SLC12A7: variants seen among roughly 807,000 people sequenced by gnomAD.
The protein encoded by SLC12A7 is solute carrier family 12 member 7, also known as K-Cl cotransporter 4.
A neutral mutation model predicts 120.6 loss-of-function variants in SLC12A7; 100 were observed. The observed-to-expected ratio is 0.83, with a 90% CI of 0.71 to 0.98. SLC12A7 has a LOEUF of 0.98. Ranked by LOEUF, SLC12A7 falls within the 50% of genes least tolerant of loss-of-function variation. SLC12A7 has a pLI of 0.00. For synonymous variants in SLC12A7, 760 were observed against 678.0 expected, an observed-to-expected ratio of 1.12 and a Z score of -1.88; for missense variants, 1,373 against 1,548.1, an observed-to-expected ratio of 0.89 and a Z score of 1.90.
intron 15 of SLC12A7, 71 bp downstream of exon 15, chr5:1,075,300 C>T: frequency 6.4e-7 from 1 of 1,561,670 alleles, no homozygotes. Context: ...CAGGGAGCTG[C>T]CCCAGGCATA....
chr5:1,126,652 A>T, the SLC12A7 span, among the ~76,000 whole-genome samples: 1 of 152,138 alleles, frequency 6.6e-6, no homozygotes, highest in African/African-American at 2.4e-5. Flanking sequence ...CTCTGCCCTC[A>T]AGTGGGCCCC....
At chr5:1,077,780 G>C (rs1738529123) in intron 12 of SLC12A7, 53 bp downstream of exon 12, 2 of 1,486,950 alleles carry the variant, frequency 1.3e-6, no homozygotes, top group Non-Finnish European at 1.8e-6. Flanking sequence ...CAGGGGAGGA[G>C]AGCCCCCGAC....
Position 1,050,886 on chromosome 5 carries a change from G to A in SLC12A7, c.*1474C>T. 1 of 398,676 alleles carries A rather than the reference G, an allele frequency of 2.5e-6. No homozygotes were observed. Among genetic ancestry groups the A allele is most frequent in the Admixed American group, 4.4e-5 (1 of 22,740 alleles). 24.7% of individuals were successfully genotyped at this position (398,676 alleles called of 1,614,324 possible). On this transcript the variant is annotated 3_prime_UTR_variant, in exon 24 of 24. Coordinates refer to ENST00000264930, the MANE Select transcript of SLC12A7 (RefSeq NM_006598.3). ...TCCTCAGAAACATCTGGGGGCACAA[G>A]TGCAGCCTCTGCCCCGATTTGAACT...
chr5:1,087,212 C>T (rs576130198), intron 5 of SLC12A7, among the ~76,000 whole-genome samples, 179 bp from the exon 6 acceptor site: 2 of 152,286 alleles, frequency 1.3e-5, no homozygotes, highest in South Asian at 2.1e-4. Context: ...TCTCCCCTCC[C>T]GAGGCTCGGC....
chr5:1,079,332 G>A, intron 10 of SLC12A7, 66 bp downstream of exon 10: 3 of 1,267,714 alleles, frequency 2.4e-6, no homozygotes, highest in African/African-American at 1.5e-5. Context: ...TGCTGAGCCG[G>A]GGAGGGCATG....
At chr5:1,099,019 C>T (rs143778690) in intron 1 of SLC12A7, among the ~76,000 whole-genome samples, 259 of 152,122 alleles carry the variant, frequency 1.7e-3, no homozygotes, top group African/African-American at 6.0e-3. Flanking sequence ...AAAGCCTGGG[C>T]GTGCGGTGCA....
At chr5:1,115,236 T>C (rs1403309516), upstream of SLC12A7, among the ~76,000 whole-genome samples, 1 of 152,228 alleles carries the variant, frequency 6.6e-6, no homozygotes, top group Non-Finnish European at 1.5e-5. Context: ...AGTGCGAAAG[T>C]GTAGCCGATG....
At position 1,083,792 on chromosome 5, in the gene SLC12A7, A is replaced by G. The variant is rs1739486935; in HGVS notation, c.1082T>C (p.Val361Ala). ...ACDEYFIQNNVTEIQGIPGAA... is the reference protein window; with the variant it reads ...ACDEYFIQNNATEIQGIPGAA... Reference sequence around the variant, plus strand: ...GCCCGGGATGCCCTGGATTTCGGTGACGTTGTTCTGGATGAAGTACTCGTC... The same window carrying G: ...GCCCGGGATGCCCTGGATTTCGGTGGCGTTGTTCTGGATGAAGTACTCGTC... The change falls in exon 8 of 24, where the codon GTC becomes GCC. Residue 361 changes from valine to alanine, a missense_variant. Physicochemically the swap from Val to Ala is moderately conservative, Grantham distance 64. Transcript: ENST00000264930. The G allele has an allele frequency of 2.5e-6, 4 of 1,612,606 alleles. No homozygotes were observed. In the East Asian group the frequency reaches 8.9e-5, roughly 36 times the overall value.
At chr5:1,057,324 T>A in intron 22 of SLC12A7, 147 bp downstream of exon 22, 1 of 810,562 alleles carries the variant, frequency 1.2e-6, no homozygotes, top group Non-Finnish European at 1.9e-6. Context: ...CAGTGCCCAC[T>A]CAGGCGGCTC....
Position 1,089,060 on chromosome 5 carries a change from G to A in SLC12A7, c.411C>T (p.Leu137=), listed in dbSNP as rs756606126. Residue 137 remains leucine (L), a synonymous_variant, in exon 4 of 24, where the codon CTC becomes CTT. Transcript: ENST00000264930. ...CCACGATCCACGTCAGGCGCAGGAA[G>A]AGGATGACGCCCAGGATGTTCTGCA... ...PCLQNILGVI[L]FLRLTWIVGV... is the part of the protein sequence containing the mutation. The A allele has an allele frequency of 3.0e-5, 48 of 1,613,054 alleles. No homozygotes were observed. In the East Asian group the frequency reaches 1.0e-3, roughly 34 times the overall value.
chr5:1,100,134 C>T (rs532650257), intron 1 of SLC12A7, among the ~76,000 whole-genome samples: 2 of 152,334 alleles, frequency 1.3e-5, no homozygotes, highest in Admixed American at 1.3e-4. Flanking sequence ...TCAGGAATTT[C>T]CCCTTAAAGG....
At chr5:1,104,755 C>A (rs191491466) in intron 1 of SLC12A7, among the ~76,000 whole-genome samples, 1 of 152,220 alleles carries the variant, frequency 6.6e-6, no homozygotes, top group Admixed American at 6.5e-5. Flanking sequence ...CAGGTCCACA[C>A]GTGATTCAGA....
chr5:1,052,218 C>A lies in SLC12A7; in HGVS notation c.*142G>T. 1 of 717,492 alleles carries A rather than the reference C, an allele frequency of 1.4e-6. No homozygotes were observed. Among genetic ancestry groups the A allele is most frequent in the African/African-American group, 1.7e-5 (1 of 57,456 alleles). The allele number at this position is 717,492 out of a possible 1,614,324, so 44.4% of individuals were successfully genotyped here. ...CCTAGGTGACGGGCCTAGAAACTTC[C>A]GTAGGAAGCCCCATGGGCAGCTTGG... is the stretch of plus-strand genomic sequence containing the variant. On this transcript the variant is annotated 3_prime_UTR_variant, in exon 24 of 24. Transcript: ENST00000264930.
the SLC12A7 span, among the ~76,000 whole-genome samples, chr5:1,131,581 G>T: frequency 6.6e-6 from 1 of 152,228 alleles, no homozygotes; most frequent in Non-Finnish European, 1.5e-5. Context: ...CCTGCCTGGT[G>T]TTGGGGGCCT....
At chr5:1,065,592 G>A (rs111734160) in intron 17 of SLC12A7, 114 bp from the exon 18 acceptor site, 6 of 825,094 alleles carry the variant, frequency 7.3e-6, no homozygotes, top group Non-Finnish European at 9.4e-6. Flanking sequence ...CCCAGCAGGA[G>A]GGAAGGCCCG....
At chr5:1,130,969 G>A in the SLC12A7 span, among the ~76,000 whole-genome samples, 1 of 152,146 alleles carries the variant, frequency 6.6e-6, no homozygotes, top group Non-Finnish European at 1.5e-5. Context: ...GTGGTCTGAG[G>A]GCTGCTGGGG....
chr5:1,069,014 T>C (rs1246388539), intron 17 of SLC12A7, among the ~76,000 whole-genome samples: 2 of 152,202 alleles, frequency 1.3e-5, no homozygotes, highest in Non-Finnish European at 2.9e-5. Flanking sequence ...GAAAGGGACA[T>C]ATGGGGACCA....
chr5:1,079,447 C>A lies in SLC12A7; in HGVS notation c.1347G>T (p.Lys449Asn). Reference protein sequence around the residue: ...NRSGDLKDAQKSIPTGTILAI... With the variant: ...NRSGDLKDAQNSIPTGTILAI... ...CCAGGATGGTCCCCGTGGGGATGGA[C>A]TTCTGTGCATCCTTGAGGTCCCCGG... Residue 449 changes from lysine to asparagine, a missense_variant, in exon 10 of 24, where the codon AAG (lysine) becomes AAT (asparagine). Physicochemically the swap from Lys to Asn is moderately conservative, Grantham distance 94. Transcript: ENST00000264930. The A allele has an allele frequency of 6.2e-7, 1 of 1,612,856 alleles. No individual in the cohort carries two copies. Among genetic ancestry groups the A allele is most frequent in the Non-Finnish European group, 8.5e-7 (1 of 1,179,918 alleles).
intron 5 of SLC12A7, among the ~76,000 whole-genome samples, chr5:1,087,952 T>A (rs1740070518): frequency 6.6e-6 from 1 of 152,252 alleles, no homozygotes; most frequent in South Asian, 2.1e-4. Context: ...GTGTTTTGTC[T>A]TCACCTTCCC....
Sources: gnomAD v4.1 joint callset for allele counts (sites outside exome capture counted in the v4.1 genomes callset) on GRCh38, gnomAD v4.1.1 for gene constraint, MANE v1.5 for transcripts, NCBI Gene and HGNC (gene_info 2026-07-23, HGNC 2026-07-21) for gene names.